Variants in XRCC4 observed in about 807,000 individuals in gnomAD.
XRCC4 encodes X-ray repair cross complementing 4, also known as DNA repair protein XRCC4.
In XRCC4, 28 loss-of-function variants were observed where a neutral mutation model predicts 39.1. The observed-to-expected ratio is 0.72, with a 90% confidence interval of 0.53 to 0.98. The LOEUF (loss-of-function observed/expected upper bound fraction) is 0.98, where lower values mean the gene tolerates loss of function less well. Ranked by LOEUF, XRCC4 falls within the 50% of genes least tolerant of loss-of-function variation. The pLI, the probability that XRCC4 is intolerant of heterozygous loss-of-function variation, is 0.00. For missense variants in XRCC4, 350 were observed against 376.4 expected (o/e 0.93, Z 0.58); for synonymous variants, 123 against 126.4 (o/e 0.97, Z 0.18).
chr5:83,296,761 G>GAAAT (rs1377265004), intron 7 of XRCC4, among the ~76,000 whole-genome samples: 1 of 151,650 alleles, frequency 6.6e-6, no homozygotes. Flanking sequence ...AAACAAATTT[G>GAAAT]AAATATGGGA....
the XRCC4 span, among the ~76,000 whole-genome samples, chr5:83,368,428 G>C: frequency 5.9e-5 from 9 of 152,172 alleles, no homozygotes; most frequent in African/African-American, 2.2e-4. Flanking sequence ...GCCTAAAACT[G>C]TTAGGAGGGG....
chr5:83,147,689 G>A (rs1300483127), intron 3 of XRCC4, among the ~76,000 whole-genome samples: 2 of 23,122 alleles, frequency 8.6e-5, no homozygotes, highest in Non-Finnish European at 1.5e-4. Context: ...ATCACTAAGA[G>A]TAGATTTTAA....
At chr5:83,150,604 G>A (rs1200622896) in intron 3 of XRCC4, among the ~76,000 whole-genome samples, 1 of 152,148 alleles carries the variant, frequency 6.6e-6, no homozygotes, top group Non-Finnish European at 1.5e-5. Flanking sequence ...ACTAATGACT[G>A]AGGGTACAAC....
At chr5:83,095,425 GA>G (rs1265330171) in intron 1 of XRCC4, among the ~76,000 whole-genome samples, 12 of 152,152 alleles carry the variant, frequency 7.9e-5, no homozygotes, top group Admixed American at 7.9e-4. Flanking sequence ...ATGCTTATTA[GA>G]AATGATCAGT....
chr5:83,093,092 C>T (rs1056703900), intron 1 of XRCC4, among the ~76,000 whole-genome samples: 2 of 151,730 alleles, frequency 1.3e-5, no homozygotes, highest in Non-Finnish European at 2.9e-5. Context: ...CTTTTGAGGA[C>T]ACATATAGAC....
the XRCC4 span, among the ~76,000 whole-genome samples, chr5:83,370,835 T>C: frequency 2.6e-5 from 4 of 152,148 alleles, no homozygotes; most frequent in African/African-American, 4.8e-5. Context: ...TGCATCAACA[T>C]CACAGCCACA....
intron 7 of XRCC4, among the ~76,000 whole-genome samples, chr5:83,337,822 T>G (rs566912607): frequency 6.6e-6 from 1 of 152,304 alleles, no homozygotes; most frequent in South Asian, 2.1e-4. Context: ...TATGAGTGAA[T>G]AGGAGATAAG....
chr5:83,092,504 G>T (rs879570197), intron 1 of XRCC4, among the ~76,000 whole-genome samples: 1 of 151,952 alleles, frequency 6.6e-6, no homozygotes, highest in African/African-American at 2.4e-5. Flanking sequence ...ATATTTTTAG[G>T]ATGGTAATGG....
At position 83,195,852 on chromosome 5, in the gene XRCC4, C is replaced by A. The variant is rs1484047716; in HGVS notation, c.398C>A (p.Thr133Asn). ...GAACTTATTTGTTATTGCTTGGACA[C>A]CATTGCAGAAAATCAAGCCAAAAAT... ...IRELICYCLD[T>N]IAENQAKNEH... Residue 133 changes from threonine to asparagine, a missense_variant, in exon 4 of 8, where the codon ACC becomes AAC. Transcript: ENST00000396027. The A allele has an allele frequency of 6.2e-7, 1 of 1,611,872 alleles. No individual in the cohort carries two copies. Among genetic ancestry groups the A allele is most frequent in the South Asian group, 1.1e-5 (1 of 90,838 alleles).
intron 3 of XRCC4, among the ~76,000 whole-genome samples, chr5:83,138,277 G>GCT (rs1747996897): frequency 6.6e-6 from 1 of 152,112 alleles, no homozygotes; most frequent in Non-Finnish European, 1.5e-5. Context: ...ACTGCTTGAA[G>GCT]TGCACTATAA....
At chr5:83,237,639 A>C (rs1031302995) in intron 6 of XRCC4, among the ~76,000 whole-genome samples, 3 of 152,158 alleles carry the variant, frequency 2.0e-5, no homozygotes, top group Non-Finnish European at 4.4e-5. Context: ...ACAATTAAAT[A>C]GGAGAAATAA....
chr5:83,159,523 GTGTATA>G (rs1435067575), intron 3 of XRCC4, among the ~76,000 whole-genome samples: 3 of 152,186 alleles, frequency 2.0e-5, no homozygotes, highest in African/African-American at 7.2e-5. Flanking sequence ...ACCAAGGTAT[GTGTATA>G]TGTAAAAGAC....
chr5:83,082,144 T>C (rs1744972518), intron 1 of XRCC4, among the ~76,000 whole-genome samples: 1 of 152,220 alleles, frequency 6.6e-6, no homozygotes, highest in Non-Finnish European at 1.5e-5. Context: ...ATTTCTTGCC[T>C]GGATTATAGT....
In XRCC4 at chr5:83,353,286, A is replaced by C. The variant is rs1027285328; in HGVS notation, c.*44A>C. On this transcript the variant is annotated 3_prime_UTR_variant, in exon 8 of 8. Transcript: ENST00000396027. ...TGATGTTCACTAGACTATGTTTTCT[A>C]TTCATTTCTTTAAAATGAAAAAGGA... is the stretch of plus-strand genomic sequence containing the variant. 5.1e-5 allele frequency: 72 copies of C among 1,410,452 alleles called. No individual in the cohort carries two copies. Among genetic ancestry groups the C allele is most frequent in the Non-Finnish European group, 6.9e-5 (71 of 1,032,022 alleles). The allele number at this position is 1,410,452 out of a possible 1,614,324, so 87.4% of individuals were successfully genotyped here.
intron 7 of XRCC4, among the ~76,000 whole-genome samples, chr5:83,327,675 T>G (rs10050830): frequency 0.16 from 24,480 of 151,980 alleles, 4,861 homozygotes; most frequent in African/African-American, 0.47. Flanking sequence ...TGAAAAAGTT[T>G]AATTTATTTC....
intron 3 of XRCC4, 38 bp from the exon 4 acceptor site, chr5:83,195,732 A>G: frequency 6.6e-7 from 1 of 1,515,458 alleles, no homozygotes; most frequent in Non-Finnish European, 8.9e-7. Context: ...CAATCTTGAT[A>G]TTTTCCCCAA....
intron 3 of XRCC4, among the ~76,000 whole-genome samples, chr5:83,191,486 C>T (rs1031369970): frequency 3.3e-5 from 5 of 152,264 alleles, no homozygotes; most frequent in Admixed American, 1.3e-4. Flanking sequence ...GGGCAGATCA[C>T]GAGGTCAGGA....
intron 7 of XRCC4, chr5:83,279,998 G>A: frequency 5.1e-6 from 1 of 195,704 alleles, no homozygotes; most frequent in South Asian, 1.1e-4. Flanking sequence ...TTCTTTCAAG[G>A]CAGCTACCAT....
chr5:83,279,058 A>AAT (rs1004757139), intron 7 of XRCC4, among the ~76,000 whole-genome samples: 1 of 146,112 alleles, frequency 6.8e-6, no homozygotes, highest in Non-Finnish European at 1.5e-5. Context: ...ATATTTTTAT[A>AAT]ATATATATAA....
Sources: allele counts gnomAD v4.1 joint callset (sites outside exome capture counted in the v4.1 genomes callset), GRCh38; gene constraint gnomAD v4.1.1; transcripts MANE v1.5; gene names NCBI Gene and HGNC (gene_info 2026-07-23, HGNC 2026-07-21).